PRSS23: variants seen among roughly 807,000 people sequenced by gnomAD.
PRSS23 encodes the protein protease, serine 23.
In PRSS23, 25 loss-of-function variants were observed where a neutral mutation model predicts 34.7. The observed-to-expected ratio is 0.72, with a 90% confidence interval of 0.53 to 1.01. PRSS23 has a LOEUF of 1.01. Ranked by LOEUF, PRSS23 falls within the 50% of genes least tolerant of loss-of-function variation. The probability of loss-of-function intolerance (pLI) is 0.00; values close to 1 mark genes in which losing one functional copy is unlikely to be tolerated. For synonymous variants in PRSS23, 176 were observed against 186.6 expected, an observed-to-expected ratio of 0.94 and a Z score of 0.46; for missense variants, 445 against 475.6, an observed-to-expected ratio of 0.94 and a Z score of 0.60.
chr11:86,851,280 T>C (rs1360026739), intron 2 of PRSS23, among the ~76,000 whole-genome samples: 1 of 152,200 alleles, frequency 6.6e-6, no homozygotes. Context: ...TATGACTCCT[T>C]TGAGGAAGTC....
At chr11:86,902,186 T>G (rs1948915824) in intron 2 of PRSS23, among the ~76,000 whole-genome samples, 1 of 152,200 alleles carries the variant, frequency 6.6e-6, no homozygotes, top group Admixed American at 6.5e-5. Context: ...AGGAAGATTA[T>G]GTACTTATAA....
chr11:86,866,249 A>G (rs532062935), intron 2 of PRSS23, among the ~76,000 whole-genome samples: 281 of 152,314 alleles, frequency 1.8e-3, no homozygotes, highest in Non-Finnish European at 3.3e-3. Flanking sequence ...ACTGCTGCCA[A>G]TACGACCACC....
At chr11:86,806,728 C>G in intron 1 of PRSS23, among the ~76,000 whole-genome samples, 1 of 152,242 alleles carries the variant, frequency 6.6e-6, no homozygotes, top group Non-Finnish European at 1.5e-5. Flanking sequence ...CATTCATTCA[C>G]TTTTCCATTA....
chr11:86,806,872 C>G (rs1948107424), intron 1 of PRSS23, among the ~76,000 whole-genome samples: 1 of 152,040 alleles, frequency 6.6e-6, no homozygotes, highest in South Asian at 2.1e-4. Flanking sequence ...ATAGCTGATG[C>G]AATATTAGAG....
chr11:86,861,952 G>A (rs1220491105), intron 2 of PRSS23, among the ~76,000 whole-genome samples: 2 of 151,870 alleles, frequency 1.3e-5, no homozygotes, highest in Non-Finnish European at 2.9e-5. Context: ...CAGAGGGGGT[G>A]TCCACCCAGT....
chr11:86,897,914 C>G lies in PRSS23; in HGVS notation c.207-53302C>G, dbSNP rs1208189703. Among the ~76,000 whole-genome samples the G allele has an allele frequency of 3.3e-5, 5 of 152,270 alleles. No homozygotes were observed. The South Asian group carries it at 1.0e-3, about 32-fold the overall frequency. On this transcript the variant is annotated intron_variant, in intron 2 of 2. Coordinates refer to the PRSS23 transcript ENST00000533902. ...AGCCTCTTATGGGCTAAAAACTGTG[C>G]CAAATAACATGAAAGAGGCAAATTC... is the stretch of plus-strand genomic sequence containing the variant.
chr11:86,927,150 G>A (rs1289686275), intron 2 of PRSS23, among the ~76,000 whole-genome samples: 1 of 152,154 alleles, frequency 6.6e-6, no homozygotes, highest in Non-Finnish European at 1.5e-5. Context: ...GCTTTGCCAG[G>A]GGCCTGGAGT....
intron 2 of PRSS23, among the ~76,000 whole-genome samples, chr11:86,942,408 C>A (rs1451600699): frequency 1.3e-5 from 2 of 152,166 alleles, no homozygotes; most frequent in African/African-American, 4.8e-5. Flanking sequence ...ATATTCCACC[C>A]ATTTACCTCA....
chr11:86,849,789 C>A (rs1948515418), intron 2 of PRSS23, among the ~76,000 whole-genome samples: 1 of 152,176 alleles, frequency 6.6e-6, no homozygotes, highest in African/African-American at 2.4e-5. Context: ...GAATAGTTCA[C>A]TGTTCTGCAC....
intron 1 of PRSS23, among the ~76,000 whole-genome samples, chr11:86,820,726 A>C (rs1324943873): frequency 3.3e-5 from 5 of 152,214 alleles, no homozygotes. Context: ...ATTTTTGAGG[A>C]TATCTAAACT....
At position 86,910,651 on chromosome 11, in the gene PRSS23, C is replaced by T. The variant is rs1436658644; in HGVS notation, c.207-40565C>T. The T allele has an allele frequency of 1.1e-4, 16 of 152,154 alleles. No homozygotes were observed. In the East Asian group the frequency reaches 2.3e-3, roughly 22 times the overall value. 9.4% of individuals were successfully genotyped at this position (152,154 alleles called of 1,614,324 possible). The stretch of plus-strand genomic sequence containing the variant: ...TAAAAAAAGCCTTCCTTGAAGTGCC[C>T]GCTTTTGGCATTCTAAATATTCTCT... On this transcript the variant is annotated intron_variant, in intron 2 of 2. Coordinates refer to the PRSS23 transcript ENST00000533902.
chr11:86,844,699 G>C (rs1948473181), intron 2 of PRSS23, among the ~76,000 whole-genome samples: 1 of 152,152 alleles, frequency 6.6e-6, no homozygotes, highest in African/African-American at 2.4e-5. Flanking sequence ...AGAATCATAG[G>C]ACCCACGTCA....
At chr11:86,855,944 A>T (rs181563130) in intron 2 of PRSS23, among the ~76,000 whole-genome samples, 123 of 152,340 alleles carry the variant, frequency 8.1e-4, no homozygotes, top group African/African-American at 2.8e-3. Context: ...TTTTAGGCTG[A>T]ATAATACATC....
intron 2 of PRSS23, among the ~76,000 whole-genome samples, chr11:86,859,127 A>G (rs924968307): frequency 2.0e-5 from 3 of 151,200 alleles, no homozygotes; most frequent in African/African-American, 7.3e-5. Flanking sequence ...TCCAAGGGGG[A>G]AGAGGATGAT....
Position 86,807,731 on chromosome 11 carries a change from C to T in PRSS23, c.88C>T (p.Pro30Ser). 2.5e-6 allele frequency: 4 copies of T among 1,614,114 alleles called. No homozygotes were observed. The highest frequency in any genetic ancestry group is 3.4e-6 in the Non-Finnish European group (4 of 1,179,984). ...QVSPYSAPWK[P>S]TWPAYRLPVV... ...GAGCCCTTACAGTGCCCCCTGGAAACCCACTTGGCCTGCATACCGCCTCCC... is the reference window on the plus strand; with the variant it reads ...GAGCCCTTACAGTGCCCCCTGGAAATCCACTTGGCCTGCATACCGCCTCCC... The change falls in exon 2 of 2, where the codon CCC becomes TCC. Residue 30 changes from proline to serine, a missense_variant. Transcript: ENST00000280258.
intron 2 of PRSS23, among the ~76,000 whole-genome samples, chr11:86,834,787 T>C (rs1437320495): frequency 1.3e-5 from 2 of 152,138 alleles, no homozygotes; most frequent in African/African-American, 4.8e-5. Context: ...AGAGTCTGTA[T>C]ATATATTTAC....
At chr11:86,947,941 G>C (rs1267155603) in intron 2 of PRSS23, 2 of 152,230 alleles carry the variant, frequency 1.3e-5, no homozygotes, top group Non-Finnish European at 2.9e-5. Context: ...CTTTTCTCTA[G>C]CAAGATGCTG....
rs1482535268 is a variant in PRSS23 at position 86,877,075 on chromosome 11, T to G, written c.206+53482T>G. 7.6e-4 allele frequency among the ~76,000 whole-genome samples: 115 copies of G among 152,210 alleles called. 1 individual carries two copies. Among genetic ancestry groups the G allele is most frequent in the Non-Finnish European group, 2.9e-5 (2 of 68,038 alleles). ...GGTGCACTGGGCCCACTGTGGCAAC[T>G]GCAATCAAATCAAGATGGGTAATGT... On this transcript the variant is annotated intron_variant, in intron 2 of 2. Coordinates refer to the PRSS23 transcript ENST00000533902.
In PRSS23 at chr11:86,808,558, C is replaced by T. The variant is rs748802260; in HGVS notation, c.915C>T (p.Leu305=). The change falls in exon 2 of 2, where the codon CTC becomes CTT. Residue 305 remains leucine (L), a synonymous_variant. Transcript: ENST00000280258. ...CDVKDETYDL[L]YQQCDAQPGA... ...TCAAAGACGAGACCTATGACTTGCTCTACCAGCAATGCGATGCCCAGCCAG... is the reference window on the plus strand; with the variant it reads ...TCAAAGACGAGACCTATGACTTGCTTTACCAGCAATGCGATGCCCAGCCAG... 1.9e-6 allele frequency: 3 copies of T among 1,614,198 alleles called. No individual in the cohort carries two copies. The South Asian group carries it at 3.3e-5, about 18-fold the overall frequency.
Sources: gnomAD v4.1 joint callset for allele counts (sites outside exome capture counted in the v4.1 genomes callset) on GRCh38, gnomAD v4.1.1 for gene constraint, MANE v1.5 for transcripts, NCBI Gene and HGNC (gene_info 2026-07-23, HGNC 2026-07-21) for gene names.